Variants in LMX1B observed in about 807,000 individuals in gnomAD.
LMX1B encodes the protein LIM homeobox transcription factor 1-beta.
Under a neutral mutation model 51.4 loss-of-function variants are expected in LMX1B, and 12 were observed. The observed-to-expected ratio is 0.23, with a 90% confidence interval of 0.15 to 0.38. The LOEUF (loss-of-function observed/expected upper bound fraction) is 0.38, where lower values mean the gene tolerates loss of function less well. LMX1B is among the 10% of genes least tolerant of loss of function. LMX1B has a pLI of 1.00. For missense variants in LMX1B, 445 were observed against 571.1 expected, an observed-to-expected ratio of 0.78 and a Z score of 2.25; for synonymous variants, 237 against 235.4, an observed-to-expected ratio of 1.01 and a Z score of -0.06.
intron 2 of LMX1B, among the ~76,000 whole-genome samples, chr9:126,657,171 G>T (rs1836133637): frequency 6.6e-6 from 1 of 152,136 alleles, no homozygotes; most frequent in Non-Finnish European, 1.5e-5. Context: ...TGAGAACTGG[G>T]CAAAATAAAA....
intron 2 of LMX1B, among the ~76,000 whole-genome samples, chr9:126,636,936 T>C (rs1318087420): frequency 1.3e-5 from 2 of 152,098 alleles, no homozygotes; most frequent in East Asian, 1.9e-4. Context: ...TGAGGTGGCA[T>C]CTCTCTGGCC....
In LMX1B at chr9:126,613,957, G is replaced by C. The variant is rs982465599; in HGVS notation, c.-493G>C. Among the ~76,000 whole-genome samples, 1 of 146,240 alleles carries C rather than the reference G, an allele frequency of 6.8e-6. No individual in the cohort carries two copies. The highest frequency in any genetic ancestry group is 1.5e-5 in the Non-Finnish European group (1 of 65,814). ...CCAGCTCTAAACCCGGCGGCTCAGC[G>C]GGCGCACCATGGCACTGGAGTAGCG... On this transcript the variant is annotated 5_prime_UTR_variant, in exon 1 of 8. Transcript: ENST00000373474. This position sits in a 1 kb window ranked among gnomAD's most constrained non-coding sequence, Gnocchi z 4.5.
intron 2 of LMX1B, among the ~76,000 whole-genome samples, chr9:126,662,040 C>T (rs867352327): frequency 2.6e-5 from 4 of 152,108 alleles, no homozygotes; most frequent in Non-Finnish European, 5.9e-5. Flanking sequence ...GCGGGGCAGC[C>T]GAGCCCCCTG....
Position 126,673,618 on chromosome 9 carries a change from C to T in LMX1B, c.327-17218C>T, listed in dbSNP as rs1178939769. The stretch of plus-strand genomic sequence containing the variant: ...CCCAGCTTCACCAGGTCCCCGGGCT[C>T]TGAGACACTCCACCTCCACTCTGGG... On this transcript the variant is annotated intron_variant, in intron 2 of 7. Transcript: ENST00000373474. The surrounding 1 kb of genome is among the most constrained non-coding windows in gnomAD (Gnocchi z 4.4). Among the ~76,000 whole-genome samples, 2 of 152,222 alleles carry T rather than the reference C, an allele frequency of 1.3e-5. No individual in the cohort carries two copies. The highest frequency in any genetic ancestry group is 4.8e-5 in the African/African-American group (2 of 41,536).
In LMX1B at chr9:126,614,423, CG is replaced by C; in HGVS notation, c.-23del. On this transcript the variant is annotated 5_prime_UTR_variant, in exon 1 of 8. Coordinates refer to ENST00000373474, the MANE Select transcript of LMX1B (RefSeq NM_001174147.2). Reference sequence around the variant, plus strand: ...GCCGGCGGGCGAGCAGCCCGGCCGGCGGGGTCCGCAGCGCGCCCCGCGTCCC... The same window carrying C: ...GCCGGCGGGCGAGCAGCCCGGCCGGCGGGTCCGCAGCGCGCCCCGCGTCCC... 6.9e-7 allele frequency: 1 copy of C among 1,446,980 alleles called. No individual in the cohort carries two copies. The highest frequency in any genetic ancestry group is 1.5e-5 in the African/African-American group (1 of 67,674). 89.6% of individuals were successfully genotyped at this position (1,446,980 alleles called of 1,614,324 possible).
chr9:126,691,738 C>A (rs1362665844), intron 3 of LMX1B, among the ~76,000 whole-genome samples: 2 of 152,252 alleles, frequency 1.3e-5, no homozygotes, highest in Non-Finnish European at 2.9e-5. Flanking sequence ...GTGCCTTCCC[C>A]TTCTCAGCCC....
chr9:126,614,776 G>A (rs1053815959), intron 1 of LMX1B, among the ~76,000 whole-genome samples, 188 bp downstream of exon 1: 9 of 152,132 alleles, frequency 5.9e-5, no homozygotes, highest in African/African-American at 1.9e-4. Flanking sequence ...GCGTCCTGAG[G>A]GGACAGGACA....
intron 2 of LMX1B, among the ~76,000 whole-genome samples, chr9:126,653,144 T>C (rs990562311): frequency 2.1e-5 from 1 of 46,716 alleles, no homozygotes; most frequent in African/African-American, 6.6e-5. Flanking sequence ...AGTAGATGCT[T>C]TTTTTTTTTT....
intron 2 of LMX1B, among the ~76,000 whole-genome samples, chr9:126,678,309 C>CAAAAA (rs1365345216): frequency 1.5e-5 from 1 of 66,004 alleles, no homozygotes; most frequent in African/African-American, 6.4e-5. Context: ...GACTTCGTCT[C>CAAAAA]AAAAAAAAAA....
intron 2 of LMX1B, among the ~76,000 whole-genome samples, chr9:126,655,494 G>A (rs531384716): frequency 3.3e-5 from 5 of 152,272 alleles, no homozygotes; most frequent in African/African-American, 4.8e-5. Context: ...GTGGAATCCC[G>A]GCTTTGTCCC....
intron 2 of LMX1B, among the ~76,000 whole-genome samples, chr9:126,650,514 C>G (rs1835980356): frequency 6.6e-6 from 1 of 152,230 alleles, no homozygotes; most frequent in Non-Finnish European, 1.5e-5. Context: ...CTTCTGCAAA[C>G]AGCGAGGGAA....
rs1161495834 is a variant in LMX1B, at chr9:126,626,957, C to T, written c.326+11388C>T. 6.6e-6 allele frequency among the ~76,000 whole-genome samples: 1 copy of T among 152,196 alleles called. No individual in the cohort carries two copies. Among genetic ancestry groups the T allele is most frequent in the Non-Finnish European group, 1.5e-5 (1 of 68,030 alleles). ...CAGCGTCCGCCGGTCCGTCCGGGCT[C>T]CTCTGCAGGGAAGAGGCCTTGGTCT... On this transcript the variant is annotated intron_variant, in intron 2 of 7. Coordinates refer to ENST00000373474, the MANE Select transcript of LMX1B (RefSeq NM_001174147.2). This position sits in a 1 kb window ranked among gnomAD's most constrained non-coding sequence, Gnocchi z 4.3.
intron 2 of LMX1B, among the ~76,000 whole-genome samples, chr9:126,682,361 C>A (rs1226067822): frequency 6.6e-6 from 1 of 152,054 alleles, no homozygotes; most frequent in Non-Finnish European, 1.5e-5. Context: ...AAAGCTGCAG[C>A]CCCATCTCTC....
intron 2 of LMX1B, among the ~76,000 whole-genome samples, chr9:126,639,937 C>T (rs750647739): frequency 2.6e-5 from 4 of 152,230 alleles, no homozygotes; most frequent in African/African-American, 4.8e-5. Flanking sequence ...GATATTTCCA[C>T]TGATCTAATT....
chr9:126,615,452 G>A lies in LMX1B; in HGVS notation c.209G>A (p.Arg70Gln). 2 of 1,609,590 alleles carry A rather than the reference G, an allele frequency of 1.2e-6. No individual in the cohort carries two copies. The highest frequency in any genetic ancestry group is 1.7e-5 in the Admixed American group (1 of 59,654). Residue 70 changes from arginine (R) to glutamine (Q), a missense_variant, in exon 2 of 8, where the codon CGA (arginine) becomes CAA (glutamine). Around this residue, in one of 3 missense-constraint regions of LMX1B, gnomAD observed 273 missense variants for 343.3 expected, o/e 0.80. Transcript: ENST00000373474. This position sits in a 1 kb window ranked among gnomAD's most constrained non-coding sequence, Gnocchi z 6.0. ...CCCATCTCCGACCGCTTCCTGATGC[G>A]AGTCAACGAGTCGTCCTGGCACGAG... Reference protein sequence around the residue: ...QRPISDRFLMRVNESSWHEEC... With the variant: ...QRPISDRFLMQVNESSWHEEC...
rs998327980 is a variant in LMX1B at position 126,699,023 on chromosome 9, C to T, written c.*2572C>T. On this transcript the variant is annotated 3_prime_UTR_variant, in exon 8 of 8. Coordinates refer to ENST00000373474, the MANE Select transcript of LMX1B (RefSeq NM_001174147.2). ...TCTTGAGCAGCAGCTGCACTGGCTT[C>T]TGGAGAGACACCCCTCTTTCTCCTT... is the stretch of plus-strand genomic sequence containing the variant. 4.6e-5 allele frequency: 6 copies of T among 131,030 alleles called. No homozygotes were observed. The highest frequency in any genetic ancestry group is 3.7e-3 in the Middle Eastern group (1 of 270). The allele number at this position is 131,030 out of a possible 1,614,324, so 8.1% of individuals were successfully genotyped here.
chr9:126,640,231 G>A (rs1272653210), intron 2 of LMX1B, among the ~76,000 whole-genome samples: 1 of 152,208 alleles, frequency 6.6e-6, no homozygotes, highest in African/African-American at 2.4e-5. Context: ...CTAGGGAGCT[G>A]GGGCTGAGGT....
intron 2 of LMX1B, among the ~76,000 whole-genome samples, chr9:126,650,252 A>G (rs189803177): frequency 1.3e-5 from 2 of 152,272 alleles, no homozygotes; most frequent in East Asian, 3.9e-4. Flanking sequence ...TGGCACGTCA[A>G]GTGAGGGACT....
intron 2 of LMX1B, among the ~76,000 whole-genome samples, chr9:126,679,675 T>G (rs891205099): frequency 3.3e-5 from 5 of 152,138 alleles, no homozygotes; most frequent in African/African-American, 1.2e-4. Flanking sequence ...CTGACCTTTC[T>G]TTCTCGCCCA....
Sources: gnomAD v4.1 joint callset for allele counts (sites outside exome capture counted in the v4.1 genomes callset) on GRCh38, gnomAD v4.1.1 for gene constraint, gnomAD v4.1.1 regional missense constraint, Gnocchi (gnomAD v3.1) non-coding constraint, MANE v1.5 for transcripts, NCBI Gene and HGNC (gene_info 2026-07-23, HGNC 2026-07-21) for gene names.